The following NEGR1 variants were observed in gnomAD, a reference collection of about 807,000 sequenced individuals.
NEGR1 encodes neuronal growth regulator 1, also known as IgLON family member 4.
A neutral mutation model predicts 40.9 loss-of-function variants in NEGR1; 10 were observed. That is an observed-to-expected ratio of 0.24 (90% CI 0.15 to 0.42). The LOEUF (loss-of-function observed/expected upper bound fraction) is 0.42. Ranked by LOEUF, NEGR1 falls within the 10% of genes least tolerant of loss-of-function variation. The pLI is 1.00. For synonymous variants in NEGR1, 185 were observed against 166.8 expected (o/e 1.11, Z -0.84); for missense variants, 352 against 438.9 (o/e 0.80, Z 1.77).
chr1:71,995,269 A>C (rs1286489507), intron 1 of NEGR1, among the ~76,000 whole-genome samples: 1 of 152,112 alleles, frequency 6.6e-6, no homozygotes, highest in African/African-American at 2.4e-5. Context: ...CTTTAGCTCA[A>C]CTCAATTAAT....
chr1:71,590,979 T>C (rs1649479182), intron 6 of NEGR1, among the ~76,000 whole-genome samples: 1 of 152,268 alleles, frequency 6.6e-6, no homozygotes, highest in African/African-American at 2.4e-5. Flanking sequence ...GATCCTGTCT[T>C]TTTAAAGAAC....
chr1:72,044,148 A>G (rs1646980364), intron 1 of NEGR1, among the ~76,000 whole-genome samples: 3 of 151,682 alleles, frequency 2.0e-5, no homozygotes, highest in African/African-American at 7.3e-5. Context: ...ATATTTATAA[A>G]GTGCTGAACA....
chr1:71,727,456 C>T (rs1054383894), intron 3 of NEGR1, among the ~76,000 whole-genome samples: 5 of 152,088 alleles, frequency 3.3e-5, no homozygotes, highest in East Asian at 1.9e-4. Context: ...TTAGGAATTA[C>T]TAGGTTACTA....
intron 1 of NEGR1, among the ~76,000 whole-genome samples, chr1:72,146,085 C>G (rs1342232872): frequency 6.6e-6 from 1 of 152,032 alleles, no homozygotes; most frequent in South Asian, 2.1e-4. Context: ...CTTCACAATA[C>G]TATGTTTTCA....
chr1:72,132,090 C>T (rs1650277754), intron 1 of NEGR1, among the ~76,000 whole-genome samples: 1 of 152,082 alleles, frequency 6.6e-6, no homozygotes, highest in Non-Finnish European at 1.5e-5. Context: ...GAGAGCAAGA[C>T]TCTGTCTCAA....
intron 2 of NEGR1, among the ~76,000 whole-genome samples, chr1:71,790,443 G>A (rs1284864783): frequency 6.6e-6 from 1 of 152,080 alleles, no homozygotes; most frequent in Admixed American, 6.6e-5. Context: ...TTTGCCATTA[G>A]ACGCCAGACA....
At chr1:71,430,432 T>C (rs926130134) in intron 6 of NEGR1, among the ~76,000 whole-genome samples, 2 of 152,160 alleles carry the variant, frequency 1.3e-5, no homozygotes, top group African/African-American at 4.8e-5. Flanking sequence ...TCTCTTGCTT[T>C]TATGTAAAAT....
chr1:72,020,230 C>T (rs914256836), intron 1 of NEGR1, among the ~76,000 whole-genome samples: 1 of 152,120 alleles, frequency 6.6e-6, no homozygotes, highest in African/African-American at 2.4e-5. Flanking sequence ...GCCAATATTA[C>T]AAGAATGCCT....
chr1:72,143,314 A>G (rs1650757267), intron 1 of NEGR1, among the ~76,000 whole-genome samples: 1 of 151,982 alleles, frequency 6.6e-6, no homozygotes, highest in South Asian at 2.1e-4. Context: ...TTTTACAACT[A>G]GATTTCCCCA....
At chr1:71,716,780 G>T (rs1471716598) in intron 3 of NEGR1, among the ~76,000 whole-genome samples, 2 of 151,928 alleles carry the variant, frequency 1.3e-5, no homozygotes, top group Admixed American at 1.3e-4. Context: ...TATTTTTCTG[G>T]CCTTTCTACA....
intron 2 of NEGR1, among the ~76,000 whole-genome samples, chr1:71,873,192 T>C (rs1660330206): frequency 6.6e-6 from 1 of 151,408 alleles, no homozygotes; most frequent in East Asian, 1.9e-4. Context: ...AAAGTTCATT[T>C]ATCTACATGA....
chr1:71,930,505 G>C (rs1204195188), intron 2 of NEGR1, among the ~76,000 whole-genome samples: 2 of 151,948 alleles, frequency 1.3e-5, no homozygotes, highest in Non-Finnish European at 2.9e-5. Flanking sequence ...CTCTTCTCTT[G>C]TTTATTTTGT....
chr1:71,950,611 A>G (rs1646061369), intron 1 of NEGR1, among the ~76,000 whole-genome samples: 1 of 151,958 alleles, frequency 6.6e-6, no homozygotes, highest in African/African-American at 2.4e-5. Context: ...AAAACCTACT[A>G]TATCCACTTT....
intron 3 of NEGR1, among the ~76,000 whole-genome samples, chr1:71,768,682 A>G (rs1455833304): frequency 6.6e-6 from 1 of 152,118 alleles, no homozygotes; most frequent in Non-Finnish European, 1.5e-5. Context: ...TGTGAGTAGG[A>G]CATGAGATTT....
chr1:72,274,643 C>A (rs1235429795), intron 1 of NEGR1: 13 of 849,372 alleles, frequency 1.5e-5, no homozygotes, highest in Middle Eastern at 3.3e-4. Flanking sequence ...CAAGGATTTG[C>A]AAGGCTAAGT....
chr1:71,879,582 G>A (rs769824645), intron 2 of NEGR1, among the ~76,000 whole-genome samples: 245 of 152,226 alleles, frequency 1.6e-3, no homozygotes, highest in Non-Finnish European at 2.9e-3. Context: ...GAACTCCCTT[G>A]ATCAAGAGTT....
chr1:72,032,895 G>A lies in NEGR1; in HGVS notation c.177-97584C>T, dbSNP rs112993196. On this transcript the variant is annotated intron_variant, in intron 1 of 6. Transcript: ENST00000357731. ...GAATAATGATAGAGCCTATCTTATA[G>A]GCTTATTACAAAGATTAAAGGATTC... is the stretch of plus-strand genomic sequence containing the variant. 8.3e-3 allele frequency among the ~76,000 whole-genome samples: 1,254 copies of A among 151,996 alleles called. 24 individuals carry two copies. The highest frequency in any genetic ancestry group is 0.029 in the African/African-American group (1,196 of 41,480).
chr1:71,971,437 T>C (rs1358773881), intron 1 of NEGR1, among the ~76,000 whole-genome samples: 1 of 152,178 alleles, frequency 6.6e-6, no homozygotes, highest in African/African-American at 2.4e-5. Context: ...GTAAAATTGG[T>C]GTACTAACAT....
intron 1 of NEGR1, among the ~76,000 whole-genome samples, chr1:72,000,591 A>G (rs1646548405): frequency 2.0e-5 from 3 of 152,168 alleles, no homozygotes; most frequent in Admixed American, 2.0e-4. Flanking sequence ...TATTTGTTAT[A>G]TCAGAGGAAA....
Sources: allele counts gnomAD v4.1 joint callset (sites outside exome capture counted in the v4.1 genomes callset), GRCh38; gene constraint gnomAD v4.1.1; transcripts MANE v1.5; gene names NCBI Gene and HGNC (gene_info 2026-07-23, HGNC 2026-07-21).